RBFOX1: variants seen among roughly 807,000 people sequenced by gnomAD.
The protein encoded by RBFOX1 is RNA binding fox-1 homolog 1, also known as RNA binding protein fox-1 homolog 1.
RBFOX1 carries 8 observed loss-of-function variants against 57.7 expected under a neutral mutation model. That is an observed-to-expected ratio of 0.14 (90% CI 0.08 to 0.25). The LOEUF is 0.25. RBFOX1 is among the 10% of genes least tolerant of loss of function. The pLI is 1.00. For missense variants in RBFOX1, 611 were observed against 548.5 expected, an observed-to-expected ratio of 1.11 and a Z score of -1.14; for synonymous variants, 326 against 222.4, an observed-to-expected ratio of 1.47 and a Z score of -4.15.
intron 2 of RBFOX1, among the ~76,000 whole-genome samples, chr16:5,479,789 C>A (rs576960083): frequency 2.0e-4 from 30 of 152,100 alleles, no homozygotes; most frequent in African/African-American, 4.8e-4. Context: ...ATTATTTCTC[C>A]CCTGCTACCT....
At chr16:6,454,353 T>G (rs2094707320) in intron 2 of RBFOX1, among the ~76,000 whole-genome samples, 1 of 152,120 alleles carries the variant, frequency 6.6e-6, no homozygotes, top group Admixed American at 6.5e-5. Context: ...GCCCAGGAGT[T>G]TAAGACCAGC....
At chr16:7,000,548 C>G (rs1596520254) in intron 3 of RBFOX1, among the ~76,000 whole-genome samples, 1 of 149,210 alleles carries the variant, frequency 6.7e-6, no homozygotes, top group Non-Finnish European at 1.5e-5. Flanking sequence ...TTGCTTTTGG[C>G]AAAAACACAT....
At chr16:5,281,042 CTT>C (rs1202583344) in intron 1 of RBFOX1, among the ~76,000 whole-genome samples, 3 of 152,006 alleles carry the variant, frequency 2.0e-5, no homozygotes, top group African/African-American at 7.2e-5. Flanking sequence ...TATTTGAAAT[CTT>C]TCTACTTTTT....
rs1473108343 is a variant in RBFOX1, at chr16:6,478,409, ATATATATATATATATATATATT to A, written c.-64+161354_-64+161375del. ...AGCTAATATATATATATATATATAT[ATATATATATATATATATATATT>A]TTTTTTTTTTTTTTTTGTATTTTTA... is the stretch of plus-strand genomic sequence containing the variant. On this transcript the variant is annotated intron_variant, in intron 2 of 15. Coordinates refer to ENST00000550418, the MANE Select transcript of RBFOX1 (RefSeq NM_018723.4). Among the ~76,000 whole-genome samples the A allele has an allele frequency of 6.3e-3, 192 of 30,660 alleles. 8 individuals carry two copies. Among genetic ancestry groups the A allele is most frequent in the South Asian group, 0.049 (66 of 1,348 alleles). The allele number at this position is 30,660 out of a possible 152,430, so 20.1% of individuals were successfully genotyped here. A position where few individuals can be genotyped will look rare whatever the true frequency, so the allele number is the denominator to read the frequency against.
At chr16:5,901,869 A>G (rs1440150016) in intron 4 of RBFOX1, among the ~76,000 whole-genome samples, 1 of 152,036 alleles carries the variant, frequency 6.6e-6, no homozygotes, top group East Asian at 1.9e-4. Flanking sequence ...CCTTCCCTCA[A>G]TCTGCCTATG....
chr16:6,066,649 T>A (rs1596923951), intron 1 of RBFOX1, among the ~76,000 whole-genome samples: 1 of 152,286 alleles, frequency 6.6e-6, no homozygotes, highest in South Asian at 2.1e-4. Flanking sequence ...TCAGGATAGC[T>A]GAGCAGAAAG....
intron 3 of RBFOX1, among the ~76,000 whole-genome samples, chr16:6,956,455 G>T (rs1438484963): frequency 1.3e-5 from 2 of 152,150 alleles, no homozygotes; most frequent in African/African-American, 4.8e-5. Flanking sequence ...TACATGCTGG[G>T]CTTTGTCATC....
intron 1 of RBFOX1, among the ~76,000 whole-genome samples, chr16:6,134,683 A>ATTTTTT (rs61209958): frequency 7.0e-6 from 1 of 143,462 alleles, no homozygotes; most frequent in African/African-American, 2.6e-5. Context: ...AACTCAGAGT[A>ATTTTTT]TTTTTTTTTT....
chr16:7,496,335 G>A (rs897178328), intron 4 of RBFOX1, among the ~76,000 whole-genome samples: 1 of 152,112 alleles, frequency 6.6e-6, no homozygotes, highest in East Asian at 1.9e-4. Flanking sequence ...TAGGGATGGG[G>A]TTTCATCATG....
intron 4 of RBFOX1, among the ~76,000 whole-genome samples, chr16:7,154,390 A>G (rs372000438): frequency 6.6e-6 from 1 of 152,204 alleles, no homozygotes; most frequent in South Asian, 2.1e-4. Context: ...CACACATTTC[A>G]TGTGAATGTG....
chr16:6,960,634 C>T (rs1238391971), intron 3 of RBFOX1, among the ~76,000 whole-genome samples: 1 of 152,168 alleles, frequency 6.6e-6, no homozygotes, highest in South Asian at 2.1e-4. Flanking sequence ...TGCCTTCTCT[C>T]CTTCCTTCCT....
intron 2 of RBFOX1, among the ~76,000 whole-genome samples, chr16:5,552,547 G>T (rs1232669030): frequency 6.6e-6 from 1 of 152,202 alleles, no homozygotes. Flanking sequence ...GTGGTTAGAA[G>T]CCTGGCTTTT....
At chr16:6,891,919 C>G (rs1399080641) in intron 3 of RBFOX1, among the ~76,000 whole-genome samples, 1 of 152,130 alleles carries the variant, frequency 6.6e-6, no homozygotes, top group Non-Finnish European at 1.5e-5. Flanking sequence ...CCCTTTCTTT[C>G]CAGCAAGTCG....
chr16:6,250,564 A>G (rs1233471581), intron 1 of RBFOX1, among the ~76,000 whole-genome samples: 1 of 152,120 alleles, frequency 6.6e-6, no homozygotes, highest in African/African-American at 2.4e-5. Flanking sequence ...CAGGAGCCCT[A>G]GTTAATTTTC....
intron 3 of RBFOX1, among the ~76,000 whole-genome samples, chr16:6,893,368 C>T (rs984644138): frequency 4.6e-5 from 7 of 152,266 alleles, no homozygotes; most frequent in Non-Finnish European, 1.0e-4. Context: ...GTCACAAAAG[C>T]ACAAGATAAA....
At chr16:6,494,919 T>C (rs1038536451) in intron 2 of RBFOX1, among the ~76,000 whole-genome samples, 1 of 152,206 alleles carries the variant, frequency 6.6e-6, no homozygotes. Flanking sequence ...AAGCCTGTTA[T>C]GTATGCTAAC....
chr16:6,730,164 T>G (rs2154172796), intron 3 of RBFOX1, among the ~76,000 whole-genome samples: 1 of 152,216 alleles, frequency 6.6e-6, no homozygotes, highest in Non-Finnish European at 1.5e-5. Context: ...CCTTAAATAA[T>G]TATAACTCTT....
intron 4 of RBFOX1, among the ~76,000 whole-genome samples, chr16:5,924,188 G>A (rs1323832956): frequency 6.6e-6 from 1 of 152,066 alleles, no homozygotes; most frequent in Non-Finnish European, 1.5e-5. Context: ...GTTTCCTGAG[G>A]CCTCCCCAGC....
At chr16:5,501,318 C>CAAAAAAAAAAAA (rs1160788118) in intron 2 of RBFOX1, among the ~76,000 whole-genome samples, 55 of 64,844 alleles carry the variant, frequency 8.5e-4, no homozygotes, top group Non-Finnish European at 1.2e-3. Flanking sequence ...ACTCTGTCTA[C>CAAAAAAAAAAAA]AAAAAAAAAA....
Sources: gnomAD v4.1 joint callset for allele counts (sites outside exome capture counted in the v4.1 genomes callset) on GRCh38, gnomAD v4.1.1 for gene constraint, MANE v1.5 for transcripts, NCBI Gene and HGNC (gene_info 2026-07-23, HGNC 2026-07-21) for gene names.